CD47: variants seen among roughly 807,000 people sequenced by gnomAD.
The protein encoded by CD47 is leukocyte surface antigen CD47.
In CD47, 11 loss-of-function variants were observed where a neutral mutation model predicts 44.6. The ratio of observed to expected loss-of-function variants is 0.25; its 90% CI spans 0.16 to 0.41. CD47 has a LOEUF of 0.41. Among genes scored for constraint, CD47 ranks in the 10% least tolerant of loss-of-function variants. The pLI, the probability that CD47 is intolerant of heterozygous loss-of-function variation, is 1.00. For synonymous variants in CD47, 140 were observed against 136.3 expected (o/e 1.03, Z -0.19); for missense variants, 306 against 386.7 (o/e 0.79, Z 1.75).
intron 2 of CD47, among the ~76,000 whole-genome samples, chr3:108,079,159 T>C (rs1032182494): frequency 6.6e-6 from 1 of 151,948 alleles, no homozygotes; most frequent in African/African-American, 2.4e-5. Flanking sequence ...TCTCAAAATG[T>C]GGTTAAGCCA....
At chr3:108,064,950 A>T (rs764117276) in intron 3 of CD47, among the ~76,000 whole-genome samples, 1 of 152,198 alleles carries the variant, frequency 6.6e-6, no homozygotes, top group African/African-American at 2.4e-5. Context: ...AAATTGTTTA[A>T]ATTTAAATTA....
intron 3 of CD47, among the ~76,000 whole-genome samples, chr3:108,066,173 A>G (rs9816026): frequency 0.074 from 11,191 of 152,192 alleles, 566 homozygotes; most frequent in Non-Finnish European, 0.11. Flanking sequence ...AATGATTTCT[A>G]CAGGAACATC....
intron 7 of CD47, chr3:108,053,840 AG>A (rs2078869240): frequency 6.6e-6 from 1 of 152,238 alleles, no homozygotes; most frequent in African/African-American, 2.4e-5. Flanking sequence ...AAAGTAGAAC[AG>A]GGTAAAATGG....
chr3:108,064,852 G>T, intron 3 of CD47, among the ~76,000 whole-genome samples: 1 of 152,296 alleles, frequency 6.6e-6, no homozygotes, highest in East Asian at 1.9e-4. Context: ...TATATTTGGT[G>T]TCTGTTGAGC....
At chr3:108,048,383 T>TG (rs1304608289) in intron 10 of CD47, among the ~76,000 whole-genome samples, 35 of 137,144 alleles carry the variant, frequency 2.6e-4, no homozygotes, top group Admixed American at 4.4e-4. Context: ...TTTTTTTTTT[T>TG]TTTTTTTTTT....
Position 108,045,293 on chromosome 3 carries a change from T to C in CD47, c.*1995A>G, listed in dbSNP as rs2078704836. 6.6e-6 allele frequency: 1 copy of C among 152,658 alleles called. No homozygotes were observed. The highest frequency in any genetic ancestry group is 1.5e-5 in the Non-Finnish European group (1 of 68,050). 9.5% of individuals were successfully genotyped at this position (152,658 alleles called of 1,614,324 possible). A position where few individuals can be genotyped will look rare whatever the true frequency, so the allele number is the denominator to read the frequency against. ...TTTTACTATAAAGATTTTCATACCT[T>C]TTCTAATAGGAGCTTGGATCTTTTT... On this transcript the variant is annotated 3_prime_UTR_variant, in exon 11 of 11. Coordinates refer to ENST00000361309, the MANE Select transcript of CD47 (RefSeq NM_001777.4).
rs192304074 is a variant in CD47, at chr3:108,056,781, T to C, written c.877+696A>G. Among the ~76,000 whole-genome samples, 11 of 152,334 alleles carry C rather than the reference T, an allele frequency of 7.2e-5. No homozygotes were observed. In the East Asian group the frequency reaches 1.9e-3, roughly 27 times the overall value. ...TATCTCAATAAAAAATAAGAATTTA[T>C]GCAGAAATGTTACTTGAAAATTGGC... is the stretch of plus-strand genomic sequence containing the variant. On this transcript the variant is annotated intron_variant, in intron 7 of 10. Transcript: ENST00000361309.
intron 1 of CD47, among the ~76,000 whole-genome samples, chr3:108,085,277 G>A (rs946394348): frequency 6.6e-6 from 1 of 152,074 alleles, no homozygotes; most frequent in Admixed American, 6.6e-5. Flanking sequence ...TAATAGTTAA[G>A]TGCACACATT....
Position 108,045,457 on chromosome 3 carries a change from T to A in CD47, c.*1831A>T, listed in dbSNP as rs1318367191. On this transcript the variant is annotated 3_prime_UTR_variant, in exon 11 of 11. Coordinates refer to ENST00000361309, the MANE Select transcript of CD47 (RefSeq NM_001777.4). ...TTGTATAAAGGAATACAGCTCCCTCTATATATGTTATTATTTTGGACAGCT... is the reference window on the plus strand; with the variant it reads ...TTGTATAAAGGAATACAGCTCCCTCAATATATGTTATTATTTTGGACAGCT... The A allele has an allele frequency of 6.6e-6, 1 of 152,612 alleles. No individual in the cohort carries two copies. Among genetic ancestry groups the A allele is most frequent in the Non-Finnish European group, 1.5e-5 (1 of 68,038 alleles). The allele number at this position is 152,612 out of a possible 1,614,324, so 9.5% of individuals were successfully genotyped here. A position where few individuals can be genotyped will look rare whatever the true frequency, so the allele number is the denominator to read the frequency against.
chr3:108,071,310 T>C (rs2079197464), intron 2 of CD47, 128 bp from the exon 3 acceptor site: 1 of 555,084 alleles, frequency 1.8e-6, no homozygotes. Flanking sequence ...TATTTTTACA[T>C]GTATTTATTT....
intron 2 of CD47, 73 bp downstream of exon 2, chr3:108,079,917 AT>A: frequency 1.1e-6 from 1 of 895,452 alleles, no homozygotes; most frequent in East Asian, 2.4e-5. Context: ...ACCTATCCCC[AT>A]TTGGCCTCCT....
intron 1 of CD47, among the ~76,000 whole-genome samples, chr3:108,087,430 T>C (rs1176510192): frequency 6.6e-6 from 1 of 152,062 alleles, no homozygotes; most frequent in African/African-American, 2.4e-5. Flanking sequence ...GTCAATAACA[T>C]CCAGAATTAT....
chr3:108,087,911 T>C (rs1315380619), intron 1 of CD47, among the ~76,000 whole-genome samples: 1 of 152,232 alleles, frequency 6.6e-6, no homozygotes, highest in East Asian at 1.9e-4. Flanking sequence ...CTGGGTGCTC[T>C]GTATTTTCTA....
chr3:108,061,004 TC>T, intron 3 of CD47, 152 bp from the exon 4 acceptor site: 2 of 588,702 alleles, frequency 3.4e-6, no homozygotes, highest in Non-Finnish European at 6.1e-6. Flanking sequence ...ACCTCACATC[TC>T]TTTCATAAGC....
intron 7 of CD47, among the ~76,000 whole-genome samples, chr3:108,056,355 T>C (rs2078913127): frequency 6.6e-6 from 1 of 152,208 alleles, no homozygotes; most frequent in Non-Finnish European, 1.5e-5. Context: ...ATTTATCTAA[T>C]AAGCATTAAT....
At chr3:108,062,230 A>C (rs545489005) in intron 3 of CD47, among the ~76,000 whole-genome samples, 1 of 152,304 alleles carries the variant, frequency 6.6e-6, no homozygotes, top group Middle Eastern at 3.4e-3. Flanking sequence ...CCCTGGACTT[A>C]TGTGTCTAAT....
chr3:108,059,494 T>C lies in CD47; in HGVS notation c.649A>G (p.Thr217Ala). 6.5e-7 allele frequency: 1 copy of C among 1,530,350 alleles called. No individual in the cohort carries two copies. Among genetic ancestry groups the C allele is most frequent in the Non-Finnish European group, 8.8e-7 (1 of 1,131,584 alleles). 94.8% of individuals were successfully genotyped at this position (1,530,350 alleles called of 1,614,324 possible). ...ATGLGLIVTS[T>A]GILILLHYYV... is the part of the protein sequence containing the mutation. The stretch of plus-strand genomic sequence containing the variant: ...TAGTGAAGTAATATTAATATCCCTG[T>C]AGAAGTCACAATTAAACCAAGGCCA... The change falls in exon 5 of 11, where the codon ACA becomes GCA. Residue 217 changes from threonine (T) to alanine (A), a missense_variant. Transcript: ENST00000361309.
intron 3 of CD47, among the ~76,000 whole-genome samples, chr3:108,066,709 G>A (rs1280404955): frequency 6.6e-6 from 1 of 152,186 alleles, no homozygotes; most frequent in African/African-American, 2.4e-5. Flanking sequence ...ACAAATGCTA[G>A]GAGTGAAATT....
At chr3:108,089,896 G>C (rs78720954) in intron 1 of CD47, among the ~76,000 whole-genome samples, 2,337 of 151,836 alleles carry the variant, frequency 0.015, 53 homozygotes, top group African/African-American at 0.051. Flanking sequence ...GATGTGAAGT[G>C]TGACAGGCAC....
Sources: gnomAD v4.1 joint callset for allele counts (sites outside exome capture counted in the v4.1 genomes callset) on GRCh38, gnomAD v4.1.1 for gene constraint, MANE v1.5 for transcripts, NCBI Gene and HGNC (gene_info 2026-07-23, HGNC 2026-07-21) for gene names.